ARMH3: variants seen among roughly 807,000 people sequenced by gnomAD.
ARMH3 encodes armadillo like helical domain containing 3.
A neutral mutation model predicts 99.1 loss-of-function variants in ARMH3; 60 were observed. The observed-to-expected ratio is 0.61, with a 90% CI of 0.49 to 0.75. The LOEUF (loss-of-function observed/expected upper bound fraction) is 0.75. ARMH3 is among the 30% of genes least tolerant of loss of function. The probability of loss-of-function intolerance (pLI) is 0.00; values close to 1 mark genes in which losing one functional copy is unlikely to be tolerated. For missense variants in ARMH3, 679 were observed against 843.1 expected, an observed-to-expected ratio of 0.81 and a Z score of 2.41; for synonymous variants, 285 against 292.8, an observed-to-expected ratio of 0.97 and a Z score of 0.27.
chr10:102,033,723 G>C (rs551886147), intron 2 of ARMH3, among the ~76,000 whole-genome samples: 1 of 152,144 alleles, frequency 6.6e-6, no homozygotes, highest in African/African-American at 2.4e-5. Context: ...CGGCCCCTTA[G>C]TTTTCAAAAT....
At chr10:101,977,004 C>T (rs987608596) in intron 19 of ARMH3, among the ~76,000 whole-genome samples, 3 of 151,894 alleles carry the variant, frequency 2.0e-5, no homozygotes, top group African/African-American at 7.2e-5. Flanking sequence ...TTTTTTGCTG[C>T]AAACTGTAAA....
chr10:101,947,581 A>G (rs1410554623), intron 22 of ARMH3, among the ~76,000 whole-genome samples: 1 of 152,058 alleles, frequency 6.6e-6, no homozygotes, highest in African/African-American at 2.4e-5. Context: ...CAGGCGGATC[A>G]CCTGAGGTTG....
At chr10:101,977,157 C>G (rs1188217501) in intron 19 of ARMH3, among the ~76,000 whole-genome samples, 1 of 152,146 alleles carries the variant, frequency 6.6e-6, no homozygotes, top group Non-Finnish European at 1.5e-5. Flanking sequence ...TCTATTATCA[C>G]AAAAGTTTCT....
rs1017068976 is a variant in ARMH3, at chr10:102,001,119, T to C, written c.1150+852A>G. ...GGCATGAGCCACCGTACCCAGCCAG[T>C]GATGATGGTTGTACAAAAATATGGA... is the stretch of plus-strand genomic sequence containing the variant. On this transcript the variant is annotated intron_variant, in intron 15 of 25. Transcript: ENST00000370033. 3.3e-5 allele frequency among the ~76,000 whole-genome samples: 5 copies of C among 152,234 alleles called. No homozygotes were observed. In the East Asian group the frequency reaches 9.7e-4, roughly 29 times the overall value.
chr10:101,930,677 T>C (rs1843687365), intron 23 of ARMH3, among the ~76,000 whole-genome samples: 1 of 152,170 alleles, frequency 6.6e-6, no homozygotes, highest in Non-Finnish European at 1.5e-5. Context: ...TAAGTTCCAG[T>C]ATTGCCCCTG....
intron 1 of ARMH3, among the ~76,000 whole-genome samples, chr10:102,048,740 T>C (rs540167213): frequency 3.3e-5 from 5 of 152,128 alleles, no homozygotes; most frequent in Non-Finnish European, 5.9e-5. Context: ...AACATGTTTA[T>C]ATCAAGCCAG....
chr10:102,015,249 T>A (rs2066720792), intron 8 of ARMH3, among the ~76,000 whole-genome samples: 1 of 152,132 alleles, frequency 6.6e-6, no homozygotes, highest in African/African-American at 2.4e-5. Context: ...AAGTGGGTCC[T>A]TGGAAAAGAA....
chr10:102,046,571 G>C (rs1360434913), intron 1 of ARMH3, among the ~76,000 whole-genome samples: 3 of 152,128 alleles, frequency 2.0e-5, no homozygotes, highest in African/African-American at 4.8e-5. Context: ...AGAATCGCTT[G>C]AACCGAGGAG....
At chr10:102,002,713 C>A (rs1390639604) in intron 14 of ARMH3, among the ~76,000 whole-genome samples, 2 of 152,038 alleles carry the variant, frequency 1.3e-5, no homozygotes, top group Non-Finnish European at 2.9e-5. Context: ...GTAATCCCAG[C>A]ACTTTGGGAG....
At chr10:101,987,365 T>A (rs1013901639) in intron 19 of ARMH3, among the ~76,000 whole-genome samples, 2 of 152,160 alleles carry the variant, frequency 1.3e-5, no homozygotes, top group Non-Finnish European at 2.9e-5. Context: ...ATGACTCAGG[T>A]CAAATGCAAC....
At chr10:102,001,716 G>A (rs1032858066) in intron 15 of ARMH3, among the ~76,000 whole-genome samples, 4 of 152,126 alleles carry the variant, frequency 2.6e-5, no homozygotes, top group Non-Finnish European at 5.9e-5. Flanking sequence ...AAGAAGATTT[G>A]CTAGCTTTCA....
chr10:101,893,318 C>A (rs1195122017), intron 23 of ARMH3, among the ~76,000 whole-genome samples: 1 of 152,278 alleles, frequency 6.6e-6, no homozygotes, highest in African/African-American at 2.4e-5. Flanking sequence ...TAAATGCATC[C>A]ACATTTTATG....
chr10:101,913,259 G>GT (rs1270165781), intron 23 of ARMH3: 1 of 152,272 alleles, frequency 6.6e-6, no homozygotes, highest in Non-Finnish European at 1.5e-5. Context: ...GGGATTACAG[G>GT]TGTGAGCCAC....
chr10:102,009,823 C>T (rs2066591430), intron 12 of ARMH3, among the ~76,000 whole-genome samples, 154 bp downstream of exon 12: 1 of 152,104 alleles, frequency 6.6e-6, no homozygotes, highest in Admixed American at 6.5e-5. Context: ...TTCTAAGGGT[C>T]CATTAATGTT....
chr10:101,948,572 A>G (rs1844653521), intron 22 of ARMH3, among the ~76,000 whole-genome samples: 1 of 152,228 alleles, frequency 6.6e-6, no homozygotes, highest in Non-Finnish European at 1.5e-5. Context: ...CTAAATGTGT[A>G]TCTATCTAAC....
chr10:102,006,584 G>A lies in ARMH3; in HGVS notation c.1004C>T (p.Thr335Ile), dbSNP rs780714410. The change falls in exon 14 of 26, where the codon ACA becomes ATA. Residue 335 changes from threonine (T) to isoleucine (I), a missense_variant. By Grantham distance (89) the Thr-to-Ile change is moderately conservative. This residue lies in a region of ARMH3 where 389 missense variants were observed against 456.5 expected (regional missense o/e 0.85). Coordinates refer to ENST00000370033, the MANE Select transcript of ARMH3 (RefSeq NM_024541.3). ...LVTTPVSPAP[T>I]TPVTPLGTTP... ...GGTCCCAAGTGGTGTGACTGGGGTT[G>A]TAGGAGCAGGACTGACAGGGGTCGT... is the stretch of plus-strand genomic sequence containing the variant. 1.9e-6 allele frequency: 3 copies of A among 1,614,072 alleles called. No homozygotes were observed. Among genetic ancestry groups the A allele is most frequent in the South Asian group, 1.1e-5 (1 of 91,080 alleles).
chr10:101,882,142 T>G (rs555488903), intron 24 of ARMH3, among the ~76,000 whole-genome samples: 1 of 152,130 alleles, frequency 6.6e-6, no homozygotes, highest in Non-Finnish European at 1.5e-5. Flanking sequence ...TGAATGAAGG[T>G]TGAAGAATGC....
intron 1 of ARMH3, among the ~76,000 whole-genome samples, chr10:102,052,285 A>G (rs2067726895): frequency 6.6e-6 from 1 of 151,902 alleles, no homozygotes; most frequent in Admixed American, 6.6e-5. Flanking sequence ...ATGCAGTGGC[A>G]CAATCACAGC....
chr10:101,964,019 G>A (rs1472262879), intron 20 of ARMH3, among the ~76,000 whole-genome samples: 1 of 151,896 alleles, frequency 6.6e-6, no homozygotes, highest in Non-Finnish European at 1.5e-5. Context: ...TGGGACTACA[G>A]GCGCCCGCCA....
Sources: allele counts gnomAD v4.1 joint callset (sites outside exome capture counted in the v4.1 genomes callset), GRCh38; gene constraint gnomAD v4.1.1; regional missense constraint gnomAD v4.1.1; transcripts MANE v1.5; gene names NCBI Gene and HGNC (gene_info 2026-07-23, HGNC 2026-07-21).